ZNF670: variants seen among roughly 807,000 people sequenced by gnomAD.
ZNF670 encodes zinc finger protein 670.
A neutral mutation model predicts 10.9 loss-of-function variants in ZNF670; 7 were observed. That is an observed-to-expected ratio of 0.64 (90% confidence interval 0.36 to 1.20). ZNF670 has a LOEUF of 1.20. Among genes scored for constraint, ZNF670 ranks in the 50% most tolerant of loss-of-function variants. The pLI is 0.02. For missense variants in ZNF670, 446 were observed against 458.6 expected (o/e 0.97, Z 0.25); for synonymous variants, 136 against 152.7 (o/e 0.89, Z 0.81).
chr1:247,048,066 T>C (rs1670500473), intron 1 of ZNF670, among the ~76,000 whole-genome samples: 3 of 152,244 alleles, frequency 2.0e-5, no homozygotes, highest in Admixed American at 6.5e-5. Flanking sequence ...AAATGGGTTT[T>C]CTTTTCTATC....
chr1:247,042,868 C>T, intron 1 of ZNF670: 2 of 624,662 alleles, frequency 3.2e-6, no homozygotes, highest in East Asian at 3.3e-5. Flanking sequence ...ATTCTCTGTA[C>T]TGTAACTGGC....
chr1:247,072,843 T>TACACATAC (rs1485825375), intron 1 of ZNF670, among the ~76,000 whole-genome samples: 8 of 85,810 alleles, frequency 9.3e-5, no homozygotes, highest in Non-Finnish European at 1.9e-4. Context: ...TATATATGCA[T>TACACATAC]ACACACACAT....
rs532814583 is a variant in ZNF670 at position 247,048,785 on chromosome 1, G to A, written c.4-9248C>T. Reference sequence around the variant, plus strand: ...GGTGGTAGGAAGAAGAATGACTGAAGGAGAAACTTGCCAAACACTCATCAA... The same window carrying A: ...GGTGGTAGGAAGAAGAATGACTGAAAGAGAAACTTGCCAAACACTCATCAA... On this transcript the variant is annotated intron_variant, in intron 1 of 3. Coordinates refer to ENST00000366503, the MANE Select transcript of ZNF670 (RefSeq NM_033213.5). Among the ~76,000 whole-genome samples, 140 of 152,280 alleles carry A rather than the reference G, an allele frequency of 9.2e-4. 1 individual carries two copies. Among genetic ancestry groups the A allele is most frequent in the African/African-American group, 3.2e-3 (135 of 41,566 alleles).
At chr1:247,038,466 C>A (rs1368897819) in intron 3 of ZNF670, 39 bp from the exon 4 acceptor site, 3 of 1,546,556 alleles carry the variant, frequency 1.9e-6, no homozygotes, top group Non-Finnish European at 2.6e-6. Context: ...TACATTTATT[C>A]ATGGTTTACA....
intron 1 of ZNF670, among the ~76,000 whole-genome samples, chr1:247,072,837 T>TATATAC (rs1671167365): frequency 1.1e-5 from 1 of 87,174 alleles, no homozygotes; most frequent in Non-Finnish European, 2.1e-5. Context: ...TATATATATA[T>TATATAC]ATGCATACAC....
rs1343899116 is a variant in ZNF670, at chr1:247,036,632, C to T, written c.*817G>A. On this transcript the variant is annotated 3_prime_UTR_variant, in exon 4 of 4. Coordinates refer to ENST00000366503, the MANE Select transcript of ZNF670 (RefSeq NM_033213.5). ...AGCTAAGACTATTATTACCACTACACTTCAGCCTAGCTGACAAAGTGAGAC... is the reference window on the plus strand; with the variant it reads ...AGCTAAGACTATTATTACCACTACATTTCAGCCTAGCTGACAAAGTGAGAC... Among the ~76,000 whole-genome samples the T allele has an allele frequency of 1.3e-5, 2 of 152,164 alleles. No individual in the cohort carries two copies. The highest frequency in any genetic ancestry group is 2.9e-5 in the Non-Finnish European group (2 of 68,036).
At chr1:247,063,656 C>G (rs974574112) in intron 1 of ZNF670, among the ~76,000 whole-genome samples, 1 of 147,424 alleles carries the variant, frequency 6.8e-6, no homozygotes, top group Non-Finnish European at 1.5e-5. Flanking sequence ...CTGGGAAGGA[C>G]AAGACAGTGG....
chr1:247,043,024 G>A, intron 1 of ZNF670: 1 of 845,322 alleles, frequency 1.2e-6, no homozygotes, highest in Admixed American at 1.9e-5. Flanking sequence ...ATACAAGATT[G>A]ATATAGGTGC....
intron 1 of ZNF670, among the ~76,000 whole-genome samples, chr1:247,048,210 T>C (rs1308240795): frequency 6.6e-6 from 1 of 152,192 alleles, no homozygotes; most frequent in African/African-American, 2.4e-5. Flanking sequence ...ACCTCTTGAA[T>C]GCTTTGCTCT....
intron 1 of ZNF670, among the ~76,000 whole-genome samples, chr1:247,076,484 C>T (rs894933360): frequency 1.3e-5 from 2 of 152,024 alleles, no homozygotes; most frequent in Non-Finnish European, 2.9e-5. Flanking sequence ...TCTCGATCTC[C>T]TGACCTCGTG....
At chr1:247,056,130 AAT>A (rs1670710098) in intron 1 of ZNF670, among the ~76,000 whole-genome samples, 1 of 151,904 alleles carries the variant, frequency 6.6e-6, no homozygotes, top group Non-Finnish European at 1.5e-5. Flanking sequence ...AAAAAAAAAA[AAT>A]CAATAATGAA....
Position 247,065,868 on chromosome 1 carries a change from G to T in ZNF670, c.3+12726C>A, listed in dbSNP as rs1392517371. Among the ~76,000 whole-genome samples, 6 of 152,196 alleles carry T rather than the reference G, an allele frequency of 3.9e-5. No individual in the cohort carries two copies. The South Asian group carries it at 8.3e-4, about 21-fold the overall frequency. ...ATTCCACTGGCATTTTCTAGCAAAT[G>T]TGAATTTATCTGTAACTTAAAAACC... On this transcript the variant is annotated intron_variant, in intron 1 of 3. Coordinates refer to ENST00000366503, the MANE Select transcript of ZNF670 (RefSeq NM_033213.5).
At chr1:247,060,931 T>C (rs563270689) in intron 1 of ZNF670, among the ~76,000 whole-genome samples, 6 of 152,314 alleles carry the variant, frequency 3.9e-5, no homozygotes, top group Non-Finnish European at 7.4e-5. Context: ...TGGTTGTCAT[T>C]ATGTGGACAT....
At chr1:247,039,587 C>A (rs201019686) in intron 1 of ZNF670, 50 bp from the exon 2 acceptor site, 3 of 1,489,092 alleles carry the variant, frequency 2.0e-6, no homozygotes, top group Non-Finnish European at 1.8e-6. Flanking sequence ...ACAGACAGTA[C>A]TAAGAATCTA....
At chr1:247,072,718 C>T (rs934178384) in intron 1 of ZNF670, among the ~76,000 whole-genome samples, 2 of 147,850 alleles carry the variant, frequency 1.4e-5, no homozygotes, top group Admixed American at 6.8e-5. Context: ...ACCTGGGAGT[C>T]GGAGGTTGTG....
intron 1 of ZNF670, among the ~76,000 whole-genome samples, chr1:247,046,784 G>C (rs1238727572): frequency 1.3e-5 from 2 of 152,164 alleles, no homozygotes; most frequent in African/African-American, 4.8e-5. Flanking sequence ...AGCACTGTGA[G>C]CCTGGAAACG....
At chr1:247,055,122 A>G (rs1670685403) in intron 1 of ZNF670, among the ~76,000 whole-genome samples, 8 of 152,184 alleles carry the variant, frequency 5.3e-5, no homozygotes, top group Admixed American at 5.2e-4. Flanking sequence ...CCTAAGACAT[A>G]CCTCCAGCTA....
chr1:247,075,668 G>GT (rs1247338850), intron 1 of ZNF670, among the ~76,000 whole-genome samples: 3 of 152,174 alleles, frequency 2.0e-5, no homozygotes, highest in Non-Finnish European at 4.4e-5. Flanking sequence ...AGCCATCCGC[G>GT]TAAGACGTGA....
At chr1:247,041,425 TA>T (rs1253667532) in intron 1 of ZNF670, among the ~76,000 whole-genome samples, 4 of 152,212 alleles carry the variant, frequency 2.6e-5, no homozygotes, top group Admixed American at 1.3e-4. Context: ...AAAGACCACC[TA>T]TTTTTTTAAA....
Sources: allele counts gnomAD v4.1 joint callset (sites outside exome capture counted in the v4.1 genomes callset), GRCh38; gene constraint gnomAD v4.1.1; transcripts MANE v1.5; gene names NCBI Gene and HGNC (gene_info 2026-07-23, HGNC 2026-07-21).